The following MYO16 variants were observed in gnomAD, a reference collection of about 807,000 sequenced individuals.
The protein encoded by MYO16 is unconventional myosin-XVI.
MYO16 carries 94 observed loss-of-function variants against 205.3 expected under a neutral mutation model. The ratio of observed to expected loss-of-function variants is 0.46; its 90% CI spans 0.39 to 0.54. MYO16 has a LOEUF of 0.54. MYO16 is among the 20% of genes least tolerant of loss of function. The probability of loss-of-function intolerance (pLI) is 0.00; values close to 1 mark genes in which losing one functional copy is unlikely to be tolerated. For synonymous variants in MYO16, 988 were observed against 954.0 expected (o/e 1.04, Z -0.66); for missense variants, 2,315 against 2,387.5 (o/e 0.97, Z 0.63).
intron 7 of MYO16, among the ~76,000 whole-genome samples, chr13:108,813,977 G>A (rs1028006992): frequency 2.0e-5 from 3 of 152,142 alleles, no homozygotes; most frequent in African/African-American, 7.2e-5. Context: ...TTTACGAAAA[G>A]AAAGGAATTC....
chr13:108,783,304 C>G (rs1886362053), intron 4 of MYO16, among the ~76,000 whole-genome samples: 1 of 152,174 alleles, frequency 6.6e-6, no homozygotes, highest in Admixed American at 6.5e-5. Flanking sequence ...TACTAAATTT[C>G]AGACTTGCTT....
At chr13:109,033,152 C>T (rs193047334) in intron 23 of MYO16, among the ~76,000 whole-genome samples, 14 of 152,250 alleles carry the variant, frequency 9.2e-5, no homozygotes, top group Non-Finnish European at 1.8e-4. Flanking sequence ...TACTGAACTA[C>T]AGGGAGTTGA....
chr13:108,677,838 A>T (rs1882298184), intron 2 of MYO16, among the ~76,000 whole-genome samples: 1 of 152,254 alleles, frequency 6.6e-6, no homozygotes, highest in South Asian at 2.1e-4. Flanking sequence ...TGAATGCTAC[A>T]GCTCAGGTCT....
intron 1 of MYO16, among the ~76,000 whole-genome samples, chr13:108,602,981 G>T (rs545337660): frequency 6.6e-6 from 1 of 152,236 alleles, no homozygotes. Flanking sequence ...TTTAAGCCCT[G>T]GTTAAGCAGT....
chr13:108,712,819 C>T (rs910084951), intron 3 of MYO16, 88 bp downstream of exon 3: 28 of 938,088 alleles, frequency 3.0e-5, no homozygotes. Context: ...AAATGTACAT[C>T]TCACAGATGA....
intron 21 of MYO16, among the ~76,000 whole-genome samples, chr13:109,007,539 CGTGTGTGTGTGTGTGTGTGTGTGTGTGT>C (rs71125360): frequency 7.5e-6 from 1 of 133,616 alleles, no homozygotes; most frequent in African/African-American, 2.9e-5. Flanking sequence ...AGAAATCAGC[CGTGTGTGTGTGTGTGTGTGTGTGTGTGT>C]GTGTGTGTGT....
At chr13:108,983,875 C>A (rs1884537452) in intron 20 of MYO16, among the ~76,000 whole-genome samples, 1 of 152,158 alleles carries the variant, frequency 6.6e-6, no homozygotes, top group South Asian at 2.1e-4. Flanking sequence ...TCCTCCCTCA[C>A]CTCTCATTAG....
intron 7 of MYO16, among the ~76,000 whole-genome samples, chr13:108,809,926 A>G (rs1887234595): frequency 6.6e-6 from 1 of 152,158 alleles, no homozygotes; most frequent in Admixed American, 6.5e-5. Flanking sequence ...AGAACCATAA[A>G]CATCTATAGA....
chr13:108,684,998 A>G (rs950997614), intron 2 of MYO16, among the ~76,000 whole-genome samples: 3 of 150,732 alleles, frequency 2.0e-5, no homozygotes, highest in African/African-American at 7.3e-5. Flanking sequence ...TATTGAACCC[A>G]AGAAGAGGGT....
chr13:109,031,126 T>C (rs1245485569), intron 23 of MYO16, among the ~76,000 whole-genome samples: 1 of 152,116 alleles, frequency 6.6e-6, no homozygotes, highest in Non-Finnish European at 1.5e-5. Flanking sequence ...TGAAGTCTCA[T>C]TGTTGCCCAG....
chr13:108,923,443 G>A (rs1881836599), intron 16 of MYO16, among the ~76,000 whole-genome samples: 1 of 152,244 alleles, frequency 6.6e-6, no homozygotes, highest in Non-Finnish European at 1.5e-5. Flanking sequence ...AGCACTGTTT[G>A]GAGCAGTGGA....
At chr13:109,018,861 C>G (rs1190011775) in intron 22 of MYO16, among the ~76,000 whole-genome samples, 1 of 152,172 alleles carries the variant, frequency 6.6e-6, no homozygotes, top group African/African-American at 2.4e-5. Context: ...GATGAACCAG[C>G]TACCTCAGTT....
intron 4 of MYO16, among the ~76,000 whole-genome samples, chr13:108,765,420 G>C (rs1594276508): frequency 2.6e-5 from 4 of 152,234 alleles, no homozygotes; most frequent in Admixed American, 2.6e-4. Context: ...TGTTCTAAAA[G>C]TCAGGTCATC....
At chr13:108,534,886 T>C in the MYO16 span, among the ~76,000 whole-genome samples, 1 of 150,326 alleles carries the variant, frequency 6.7e-6, no homozygotes, top group Admixed American at 6.6e-5. Flanking sequence ...CTTCTTCTTC[T>C]CCTCTTTCTT....
At chr13:109,130,045 C>G (rs1400502087) in intron 31 of MYO16, among the ~76,000 whole-genome samples, 1 of 150,248 alleles carries the variant, frequency 6.7e-6, no homozygotes. Context: ...TATACACACA[C>G]ACACACACAT....
At chr13:108,862,809 A>G (rs1878510416) in intron 11 of MYO16, among the ~76,000 whole-genome samples, 1 of 152,130 alleles carries the variant, frequency 6.6e-6, no homozygotes, top group African/African-American at 2.4e-5. Flanking sequence ...GTTTTACAAT[A>G]TTTGATTTTT....
At chr13:109,086,451 T>C (rs1380288495) in intron 27 of MYO16, among the ~76,000 whole-genome samples, 1 of 152,246 alleles carries the variant, frequency 6.6e-6, no homozygotes, top group African/African-American at 2.4e-5. Flanking sequence ...TATTAGTGGA[T>C]ATTAAGAGAT....
intron 1 of MYO16, among the ~76,000 whole-genome samples, chr13:108,653,291 C>T (rs781642750): frequency 2.1e-4 from 32 of 152,080 alleles, no homozygotes; most frequent in Non-Finnish European, 3.8e-4. Context: ...ATATTAATCT[C>T]CTATTAGGTG....
At chr13:109,174,986 G>A (rs1008687182) in intron 33 of MYO16, among the ~76,000 whole-genome samples, 2 of 151,646 alleles carry the variant, frequency 1.3e-5, no homozygotes, top group African/African-American at 4.9e-5. Flanking sequence ...TGCTGACCTC[G>A]TGATCTGCCC....
Sources: gnomAD v4.1 joint callset for allele counts (sites outside exome capture counted in the v4.1 genomes callset) on GRCh38, gnomAD v4.1.1 for gene constraint, MANE v1.5 for transcripts, NCBI Gene and HGNC (gene_info 2026-07-23, HGNC 2026-07-21) for gene names.